GALNT7: variants seen among roughly 807,000 people sequenced by gnomAD.
GALNT7 encodes N-acetylgalactosaminyltransferase 7.
GALNT7 carries 60 observed loss-of-function variants against 82.1 expected under a neutral mutation model. The observed-to-expected ratio is 0.73, with a 90% CI of 0.59 to 0.91. The LOEUF is 0.91. Ranked by LOEUF, GALNT7 falls within the 40% of genes least tolerant of loss-of-function variation. GALNT7 has a pLI of 0.00. For synonymous variants in GALNT7, 243 were observed against 275.1 expected (o/e 0.88, Z 1.15); for missense variants, 660 against 804.2 (o/e 0.82, Z 2.17).
intron 2 of GALNT7, among the ~76,000 whole-genome samples, chr4:173,287,151 T>C (rs1736355232): frequency 6.6e-6 from 1 of 152,236 alleles, no homozygotes. Context: ...TTAAAGATTT[T>C]TATTTAGCTT....
At chr4:173,311,639 C>T (rs540255009) in intron 8 of GALNT7, among the ~76,000 whole-genome samples, 15 of 152,242 alleles carry the variant, frequency 9.9e-5, no homozygotes, top group African/African-American at 3.6e-4. Flanking sequence ...ACAGTGTGGG[C>T]ATGGGGGTGG....
rs116004369 is a variant in GALNT7, at chr4:173,176,056, A to G, written c.126+7095A>G. Among the ~76,000 whole-genome samples, 1,394 of 152,056 alleles carry G rather than the reference A, an allele frequency of 9.2e-3. 21 individuals carry two copies. The highest frequency in any genetic ancestry group is 0.032 in the African/African-American group (1,328 of 41,370). ...CCACTACACTCAAGCCTGGGCAACAAAACGAGACTCCATCTCAAAAAAAAA... is the reference window on the plus strand; with the variant it reads ...CCACTACACTCAAGCCTGGGCAACAGAACGAGACTCCATCTCAAAAAAAAA... On this transcript the variant is annotated intron_variant, in intron 1 of 11. Transcript: ENST00000265000.
At chr4:173,232,942 G>A (rs1475761044) in intron 1 of GALNT7, among the ~76,000 whole-genome samples, 3 of 151,924 alleles carry the variant, frequency 2.0e-5, no homozygotes, top group African/African-American at 2.4e-5. Context: ...ACTCTACCTC[G>A]GTGAGATCCA....
chr4:173,172,573 C>T (rs1200902018), intron 1 of GALNT7, among the ~76,000 whole-genome samples: 1 of 152,184 alleles, frequency 6.6e-6, no homozygotes, highest in Non-Finnish European at 1.5e-5. Flanking sequence ...CTGACCATCA[C>T]CTGATGGCCG....
intron 1 of GALNT7, among the ~76,000 whole-genome samples, chr4:173,232,581 C>A (rs1017549033): frequency 3.9e-5 from 6 of 151,926 alleles, no homozygotes; most frequent in Non-Finnish European, 7.4e-5. Context: ...TACAGACACA[C>A]ACCACCATGC....
At chr4:173,270,513 A>G (rs1351211162) in intron 2 of GALNT7, among the ~76,000 whole-genome samples, 1 of 152,222 alleles carries the variant, frequency 6.6e-6, no homozygotes, top group Admixed American at 6.5e-5. Context: ...AGATCACCAT[A>G]GAGGTCAGTG....
At chr4:173,180,050 C>A (rs1732193429) in intron 1 of GALNT7, among the ~76,000 whole-genome samples, 2 of 152,032 alleles carry the variant, frequency 1.3e-5, no homozygotes, top group South Asian at 4.2e-4. Context: ...TGTCATTTTG[C>A]CAGGATATAT....
At chr4:173,240,274 C>CCAATGAT (rs2126724803) in intron 1 of GALNT7, among the ~76,000 whole-genome samples, 1 of 151,908 alleles carries the variant, frequency 6.6e-6, no homozygotes, top group East Asian at 1.9e-4. Context: ...CTCACAATGT[C>CCAATGAT]CAATGATCTG....
intron 8 of GALNT7, among the ~76,000 whole-genome samples, chr4:173,310,230 T>C (rs1737328663): frequency 1.3e-5 from 2 of 152,330 alleles, no homozygotes; most frequent in Admixed American, 1.3e-4. Context: ...AAAACTGACC[T>C]TTAACTTTTC....
intron 2 of GALNT7, among the ~76,000 whole-genome samples, chr4:173,271,946 T>C (rs1449002434): frequency 6.6e-6 from 1 of 152,214 alleles, no homozygotes; most frequent in Non-Finnish European, 1.5e-5. Context: ...CATCCATCCT[T>C]TATTTTGGGA....
At chr4:173,277,789 GAAGA>G (rs1467844706) in intron 2 of GALNT7, among the ~76,000 whole-genome samples, 1 of 152,312 alleles carries the variant, frequency 6.6e-6, no homozygotes, top group East Asian at 1.9e-4. Context: ...TAACGTATGA[GAAGA>G]AAGACAGATG....
At position 173,248,289 on chromosome 4, in the gene GALNT7, G is replaced by C. The variant is rs776254303; in HGVS notation, c.436G>C (p.Val146Leu). ...EPKEPEPPGVVGGPGEKAKPL... is the reference protein window; with the variant it reads ...EPKEPEPPGVLGGPGEKAKPL... ...CAAAGAACCTGAGCCTCCTGGAGTG[G>C]TTGGTGGCCCTGGAGAGAAAGCCAA... The change falls in exon 2 of 12, where the codon GTT becomes CTT. Residue 146 changes from valine (V) to leucine (L), a missense_variant. Around this residue, in one of 2 missense-constraint regions of GALNT7, gnomAD observed 527 missense variants for 683.5 expected, o/e 0.77. Coordinates refer to ENST00000265000, the MANE Select transcript of GALNT7 (RefSeq NM_017423.3). The C allele has an allele frequency of 6.2e-7, 1 of 1,613,920 alleles. No homozygotes were observed. Among genetic ancestry groups the C allele is most frequent in the South Asian group, 1.1e-5 (1 of 91,090 alleles).
intron 2 of GALNT7, among the ~76,000 whole-genome samples, chr4:173,253,660 T>C (rs1734925368): frequency 6.6e-6 from 1 of 151,954 alleles, no homozygotes; most frequent in South Asian, 2.1e-4. Context: ...CAAAGATAAA[T>C]CCAAGGCTTT....
rs138768800 is a variant in GALNT7, at chr4:173,313,928, G to GATATATAT, written c.1390-21_1390-14dup. ...GATATGACATTTGTATTTTTATAAC[G>GATATATAT]ATATATATATATATATTTTTTTTTT... On this transcript the variant is annotated intron_variant, in intron 8 of 11. Coordinates refer to ENST00000265000, the MANE Select transcript of GALNT7 (RefSeq NM_017423.3). The GATATATAT allele has an allele frequency of 4.2e-6, 4 of 943,664 alleles. No individual in the cohort carries two copies. In the African/African-American group the frequency reaches 5.3e-5, roughly 12 times the overall value. The allele number at this position is 943,664 out of a possible 1,614,324, so 58.5% of individuals were successfully genotyped here. A position where few individuals can be genotyped will look rare whatever the true frequency, so the allele number is the denominator to read the frequency against.
At chr4:173,184,153 G>A (rs1732386693) in intron 1 of GALNT7, among the ~76,000 whole-genome samples, 3 of 150,052 alleles carry the variant, frequency 2.0e-5, no homozygotes, top group Admixed American at 1.3e-4. Context: ...CATCCCAGAC[G>A]ATGGGCGGCC....
At chr4:173,274,751 A>G (rs151256287) in intron 2 of GALNT7, among the ~76,000 whole-genome samples, 15 of 152,302 alleles carry the variant, frequency 9.8e-5, no homozygotes, top group African/African-American at 3.6e-4. Flanking sequence ...AATAACTAAT[A>G]GCAAAATCAC....
intron 2 of GALNT7, among the ~76,000 whole-genome samples, chr4:173,269,918 G>A (rs1390768917): frequency 1.3e-5 from 2 of 152,148 alleles, no homozygotes; most frequent in Admixed American, 6.5e-5. Flanking sequence ...ATGATGCTAG[G>A]ATGTTTCATA....
At chr4:173,287,773 G>A (rs1483669800) in intron 2 of GALNT7, among the ~76,000 whole-genome samples, 1 of 152,150 alleles carries the variant, frequency 6.6e-6, no homozygotes, top group African/African-American at 2.4e-5. Flanking sequence ...TTGCCCATAA[G>A]GTTCCCAGGG....
At chr4:173,305,385 C>G (rs1737115859) in intron 8 of GALNT7, among the ~76,000 whole-genome samples, 1 of 152,138 alleles carries the variant, frequency 6.6e-6, no homozygotes, top group African/African-American at 2.4e-5. Context: ...CATAGATTGT[C>G]TACTTTGTTA....
Sources: gnomAD v4.1 joint callset for allele counts (sites outside exome capture counted in the v4.1 genomes callset) on GRCh38, gnomAD v4.1.1 for gene constraint, gnomAD v4.1.1 regional missense constraint, MANE v1.5 for transcripts, NCBI Gene and HGNC (gene_info 2026-07-23, HGNC 2026-07-21) for gene names.